Variants in RTKN observed in about 807,000 individuals in gnomAD.
RTKN encodes rhotekin.
A neutral mutation model predicts 63.5 loss-of-function variants in RTKN; 49 were observed. The observed-to-expected ratio is 0.77, with a 90% CI of 0.61 to 0.98. The LOEUF (loss-of-function observed/expected upper bound fraction) is 0.98. RTKN is among the 50% of genes least tolerant of loss of function. The pLI is 0.00. For synonymous variants in RTKN, 295 were observed against 290.4 expected (o/e 1.02, Z -0.16); for missense variants, 685 against 740.8 (o/e 0.92, Z 0.87).
At chr2:74,440,814 A>T (rs1671328803) in intron 1 of RTKN, among the ~76,000 whole-genome samples, 2 of 152,250 alleles carry the variant, frequency 1.3e-5, no homozygotes. Context: ...TGTTCTGGGC[A>T]GGCTGGAGGG....
intron 1 of RTKN, 55 bp from the exon 2 acceptor site, chr2:74,432,721 A>C (rs1670828988): frequency 6.5e-7 from 1 of 1,528,510 alleles, no homozygotes; most frequent in South Asian, 1.1e-5. Flanking sequence ...GGACAGGCTA[A>C]AGCACTCCCC....
At position 74,439,511 on chromosome 2, in the gene RTKN, C is replaced by G. The variant is rs1362776242; in HGVS notation, c.111+2195G>C. The G allele has an allele frequency of 1.9e-6, 3 of 1,606,162 alleles. No individual in the cohort carries two copies. The East Asian group carries it at 6.7e-5, about 36-fold the overall frequency. On this transcript the variant is annotated intron_variant, in intron 1 of 11. Transcript: ENST00000272430. ...CAGGGCAGAGATTGGGGCTGGGATG[C>G]AAGTGAAGGAGGTGTGTACTCCAAG...
chr2:74,441,909 C>G lies in RTKN; in HGVS notation c.-93G>C. The G allele has an allele frequency of 1.3e-6, 1 of 749,792 alleles. No homozygotes were observed. Among genetic ancestry groups the G allele is most frequent in the Non-Finnish European group, 2.2e-6 (1 of 451,984 alleles). The allele number at this position is 749,792 out of a possible 1,614,324, so 46.4% of individuals were successfully genotyped here. A position where few individuals can be genotyped will look rare whatever the true frequency, so the allele number is the denominator to read the frequency against. Reference sequence around the variant, plus strand: ...CGGCTTCTGTCTCTCGACGCTCGTCCGCCAGTCCGGCCGGGAATCTCCCGC... The same window carrying G: ...CGGCTTCTGTCTCTCGACGCTCGTCGGCCAGTCCGGCCGGGAATCTCCCGC... On this transcript the variant is annotated 5_prime_UTR_variant, in exon 1 of 12. Coordinates refer to ENST00000272430, the MANE Select transcript of RTKN (RefSeq NM_001015055.2).
rs1169226460 is a variant in RTKN, at chr2:74,432,532, G to A, written c.246C>T (p.Ile82=). The A allele has an allele frequency of 1.2e-6, 2 of 1,613,854 alleles. No individual in the cohort carries two copies. The highest frequency in any genetic ancestry group is 1.7e-6 in the Non-Finnish European group (2 of 1,180,040). ...TKSLLVCNSR[I]LSYMGELQRR... Reference sequence around the variant, plus strand: ...GCTGCAGCTCGCCCATGTAGCTGAGGATGCGGCTGTTGCACACTAGCAGGC... The same window carrying A: ...GCTGCAGCTCGCCCATGTAGCTGAGAATGCGGCTGTTGCACACTAGCAGGC... Residue 82 remains isoleucine (I), a synonymous_variant, in exon 2 of 12, where the codon ATC becomes ATT. Coordinates refer to ENST00000272430, the MANE Select transcript of RTKN (RefSeq NM_001015055.2).
Position 74,441,837 on chromosome 2 carries a change from G to C in RTKN, c.-21C>G. On this transcript the variant is annotated 5_prime_UTR_variant, in exon 1 of 12. Transcript: ENST00000272430. ...AACATGCTGGCGGCCCTGCGACTTT[G>C]CCTGCTCAGTGCGCTCCCCGCGCCG... 6.5e-7 allele frequency: 1 copy of C among 1,529,024 alleles called. No individual in the cohort carries two copies. Among genetic ancestry groups the C allele is most frequent in the Non-Finnish European group, 9.0e-7 (1 of 1,111,810 alleles). The allele number at this position is 1,529,024 out of a possible 1,614,324, so 94.7% of individuals were successfully genotyped here.
chr2:74,432,599 G>T lies in RTKN; in HGVS notation c.179C>A (p.Ala60Glu). 1.2e-6 allele frequency: 2 copies of T among 1,614,074 alleles called. No homozygotes were observed. The highest frequency in any genetic ancestry group is 1.7e-6 in the Non-Finnish European group (2 of 1,179,966). ...AGCCTGCTCTCGCTGGGAGCAGGCT[G>T]CCAGCAGCTTACAGGCCCCTTCCCT... ...RMREGACKLL[A>E]ACSQREQALE... is the part of the protein sequence containing the mutation. The change falls in exon 2 of 12, where the codon GCA becomes GAA. Residue 60 changes from alanine to glutamate, a missense_variant. Transcript: ENST00000272430.
chr2:74,433,070 C>T (rs1282534044), intron 1 of RTKN, among the ~76,000 whole-genome samples: 7 of 151,970 alleles, frequency 4.6e-5, no homozygotes, highest in Non-Finnish European at 8.8e-5. Context: ...GGTGAAACCC[C>T]GTCTCTACTA....
rs569130677 is a variant in RTKN at position 74,436,475 on chromosome 2, G to A, written c.112-3809C>T. 1.8e-4 allele frequency among the ~76,000 whole-genome samples: 28 copies of A among 152,216 alleles called. 1 individual carries two copies. The highest frequency in any genetic ancestry group is 1.4e-3 in the Admixed American group (22 of 15,292). ...GTGCCTCCACCGAGACTCCATCGCG[G>A]CGGGACCGGACCTCCAGGAGTGCGC... On this transcript the variant is annotated intron_variant, in intron 1 of 11. Transcript: ENST00000272430. This position sits in a 1 kb window ranked among gnomAD's most constrained non-coding sequence, Gnocchi z 4.3.
At chr2:74,433,132 A>T (rs1670852091) in intron 1 of RTKN, among the ~76,000 whole-genome samples, 1 of 151,692 alleles carries the variant, frequency 6.6e-6, no homozygotes, top group Non-Finnish European at 1.5e-5. Flanking sequence ...AGTCCCAGCT[A>T]CTTGGGAGGC....
intron 9 of RTKN, 170 bp from the exon 10 acceptor site, chr2:74,427,762 G>A: frequency 4.7e-6 from 3 of 642,782 alleles, no homozygotes; most frequent in Non-Finnish European, 8.0e-6. Context: ...GGCTGGGGAT[G>A]AGACAGCCAG....
intron 9 of RTKN, 193 bp from the exon 10 acceptor site, chr2:74,427,785 G>A: frequency 1.7e-6 from 1 of 596,184 alleles, no homozygotes; most frequent in Non-Finnish European, 2.9e-6. Context: ...CTGAGTCAGG[G>A]GAGGAGGAGC....
At chr2:74,434,856 T>C (rs975754697) in intron 1 of RTKN, among the ~76,000 whole-genome samples, 16 of 152,224 alleles carry the variant, frequency 1.1e-4, no homozygotes, top group African/African-American at 3.9e-4. Context: ...GGGGCATATG[T>C]ACTTTTGGAA....
Position 74,431,009 on chromosome 2 carries a change from A to T in RTKN, c.312-332T>A, listed in dbSNP as rs551391550. 4.3e-5 allele frequency: 13 copies of T among 305,462 alleles called. No individual in the cohort carries two copies. The South Asian group carries it at 1.0e-3, about 23-fold the overall frequency. The allele number at this position is 305,462 out of a possible 1,614,324, so 18.9% of individuals were successfully genotyped here. A position where few individuals can be genotyped will look rare whatever the true frequency, so the allele number is the denominator to read the frequency against. On this transcript the variant is annotated intron_variant, in intron 2 of 11. Transcript: ENST00000272430. ...TGAGGGGACAGGTGCCCACAGAAAG[A>T]CTTCATTTCCAGGGCTCTCCATTAA...
At chr2:74,427,995 A>T in intron 9 of RTKN, 2 of 530,656 alleles carry the variant, frequency 3.8e-6, no homozygotes, top group South Asian at 4.9e-5. Flanking sequence ...TCTGAGGGAG[A>T]AGAGGGAGAG....
rs768675893 is a variant in RTKN, at chr2:74,428,441, G to C, written c.958-45C>G. 8 of 1,613,820 alleles carry C rather than the reference G, an allele frequency of 5.0e-6. No individual in the cohort carries two copies. In the South Asian group the frequency reaches 8.8e-5, roughly 18 times the overall value. On this transcript the variant is annotated intron_variant, in intron 8 of 11. Transcript: ENST00000272430. ...TTTTCTGGGGAAGTCACGGCCCCCA[G>C]TATCCCTCTTCTCAGCCCCCCATGA...
chr2:74,433,659 GT>G (rs1385031274), intron 1 of RTKN, among the ~76,000 whole-genome samples: 1 of 151,978 alleles, frequency 6.6e-6, no homozygotes, highest in South Asian at 2.1e-4. Context: ...CCGGCTAATT[GT>G]TTTTTTGTAT....
intron 9 of RTKN, 29 bp downstream of exon 9, chr2:74,428,239 G>C (rs1558539643): frequency 6.2e-7 from 1 of 1,614,026 alleles, no homozygotes; most frequent in Non-Finnish European, 8.5e-7. Context: ...CTGTGCCCTT[G>C]GTGGCCTTAC....
chr2:74,430,826 GA>G (rs1402732582), intron 2 of RTKN, 149 bp from the exon 3 acceptor site: 1 of 738,050 alleles, frequency 1.4e-6, no homozygotes, highest in Admixed American at 2.9e-5. Context: ...GACTATAAGG[GA>G]AAGTTGTTCA....
intron 1 of RTKN, chr2:74,440,538 G>A (rs1313916753): frequency 2.0e-5 from 20 of 985,856 alleles, no homozygotes; most frequent in Non-Finnish European, 2.3e-5. Flanking sequence ...TTCACTCGGC[G>A]GCCGCCAGGC....
Sources: allele counts gnomAD v4.1 joint callset (sites outside exome capture counted in the v4.1 genomes callset), GRCh38; gene constraint gnomAD v4.1.1; non-coding constraint Gnocchi (gnomAD v3.1); transcripts MANE v1.5; gene names NCBI Gene and HGNC (gene_info 2026-07-23, HGNC 2026-07-21).